SLC24A4: variants seen among roughly 807,000 people sequenced by gnomAD.
SLC24A4 encodes the protein sodium/potassium/calcium exchanger 4.
A neutral mutation model predicts 79.0 loss-of-function variants in SLC24A4; 53 were observed. The ratio of observed to expected loss-of-function variants is 0.67; its 90% CI spans 0.54 to 0.84. The LOEUF (loss-of-function observed/expected upper bound fraction) is 0.84. Ranked by LOEUF, SLC24A4 falls within the 40% of genes least tolerant of loss-of-function variation. The probability of loss-of-function intolerance (pLI) is 0.00; values close to 1 mark genes in which losing one functional copy is unlikely to be tolerated. For missense variants in SLC24A4, 731 were observed against 822.0 expected (o/e 0.89, Z 1.35); for synonymous variants, 323 against 323.8 (o/e 1.00, Z 0.03).
At chr14:92,352,301 G>A (rs1886940999) in intron 2 of SLC24A4, among the ~76,000 whole-genome samples, 2 of 152,180 alleles carry the variant, frequency 1.3e-5, no homozygotes, top group Non-Finnish European at 2.9e-5. Context: ...ACAAGTAGGA[G>A]CTACCTAAGC....
intron 6 of SLC24A4, 78 bp from the exon 7 acceptor site, chr14:92,443,322 G>T (rs367909096): frequency 4.1e-4 from 566 of 1,378,494 alleles, no homozygotes; most frequent in Non-Finnish European, 5.5e-4. Context: ...CTGCACTGCG[G>T]GGGGAGGAGG....
In SLC24A4 at chr14:92,439,371, G is replaced by A. The variant is rs765202013; in HGVS notation, c.355G>A (p.Asp119Asn). 1.2e-6 allele frequency: 2 copies of A among 1,613,100 alleles called. No homozygotes were observed. Among genetic ancestry groups the A allele is most frequent in the Non-Finnish European group, 1.7e-6 (2 of 1,179,186 alleles). Reference sequence around the variant, plus strand: ...GTTCTATGCCTTGGCCATAGTGTGCGATGACTTCTTTGTTCCGTCTCTAGA... The same window carrying A: ...GTTCTATGCCTTGGCCATAGTGTGCAATGACTTCTTTGTTCCGTCTCTAGA... ...YMFYALAIVC[D>N]DFFVPSLEKI... is the part of the protein sequence containing the mutation. The change falls in exon 4 of 17, where the codon GAT (aspartate) becomes AAT (asparagine). Residue 119 changes from aspartate (D) to asparagine (N), a missense_variant. Physicochemically the swap from Asp to Asn is conservative, Grantham distance 23. Transcript: ENST00000532405.
At chr14:92,483,571 G>T (rs373447941) in intron 13 of SLC24A4, among the ~76,000 whole-genome samples, 27 of 152,146 alleles carry the variant, frequency 1.8e-4, no homozygotes, top group Admixed American at 6.5e-5. Flanking sequence ...GAGAGGCATT[G>T]GTGTAGCTCC....
At chr14:92,358,440 G>A (rs12887287) in intron 2 of SLC24A4, among the ~76,000 whole-genome samples, 62,059 of 151,964 alleles carry the variant, frequency 0.41, 14,814 homozygotes, top group East Asian at 0.52. Context: ...TGTAGGTGCT[G>A]GGGTGCTGGC....
intron 11 of SLC24A4, among the ~76,000 whole-genome samples, chr14:92,454,297 T>C (rs111545905): frequency 6.6e-5 from 10 of 152,364 alleles, no homozygotes; most frequent in African/African-American, 2.4e-4. Context: ...CTAAGTATTT[T>C]GTCAGGCACT....
At chr14:92,446,260 C>T (rs1040156545) in intron 8 of SLC24A4, among the ~76,000 whole-genome samples, 1 of 151,976 alleles carries the variant, frequency 6.6e-6, no homozygotes, top group Admixed American at 6.6e-5. Flanking sequence ...GATTCATGTG[C>T]CTCAGCCTCC....
chr14:92,480,451 G>A (rs1372063454), intron 12 of SLC24A4, among the ~76,000 whole-genome samples: 12 of 148,566 alleles, frequency 8.1e-5, no homozygotes, highest in African/African-American at 1.5e-4. Flanking sequence ...CCGCCACCAC[G>A]CCCGGCTAAT....
intron 2 of SLC24A4, among the ~76,000 whole-genome samples, chr14:92,356,213 A>G (rs1314875159): frequency 6.6e-6 from 1 of 152,136 alleles, no homozygotes; most frequent in East Asian, 1.9e-4. Context: ...TGTTCCGTAG[A>G]TTGGGTAGAT....
chr14:92,359,911 T>TA (rs1887403382), intron 2 of SLC24A4, among the ~76,000 whole-genome samples: 1 of 152,190 alleles, frequency 6.6e-6, no homozygotes, highest in Non-Finnish European at 1.5e-5. Context: ...CACACACACT[T>TA]ACGTTTTTGT....
At chr14:92,430,447 T>C (rs1891803826) in intron 2 of SLC24A4, among the ~76,000 whole-genome samples, 1 of 152,236 alleles carries the variant, frequency 6.6e-6, no homozygotes, top group Non-Finnish European at 1.5e-5. Context: ...TGGCAGATTG[T>C]AGGGTGCTGA....
At chr14:92,361,195 G>A (rs1428576010) in intron 2 of SLC24A4, among the ~76,000 whole-genome samples, 1 of 151,638 alleles carries the variant, frequency 6.6e-6, no homozygotes, top group Non-Finnish European at 1.5e-5. Flanking sequence ...TCTCGAGGAT[G>A]TTGACCGATT....
intron 13 of SLC24A4, chr14:92,483,603 C>T (rs1195480203): frequency 3.8e-6 from 2 of 524,812 alleles, no homozygotes; most frequent in Non-Finnish European, 6.5e-6. Context: ...TATGGCCATA[C>T]AGGACAAGTC....
chr14:92,499,219 A>C lies in SLC24A4; in HGVS notation c.*5591A>C, dbSNP rs1246372227. On this transcript the variant is annotated 3_prime_UTR_variant, in exon 17 of 17. Transcript: ENST00000532405. ...ATTCAATCTCACGGTGTCAGTGTCC[A>C]GTTGTCAAAGTTATGAATCTTCCTC... 1 of 152,240 alleles carries C rather than the reference A, an allele frequency of 6.6e-6. No homozygotes were observed. The highest frequency in any genetic ancestry group is 1.5e-5 in the Non-Finnish European group (1 of 68,062). 9.4% of individuals were successfully genotyped at this position (152,240 alleles called of 1,614,324 possible). A position where few individuals can be genotyped will look rare whatever the true frequency, so the allele number is the denominator to read the frequency against.
intron 14 of SLC24A4, among the ~76,000 whole-genome samples, chr14:92,489,887 T>C (rs577428847): frequency 7.2e-5 from 11 of 152,166 alleles, no homozygotes; most frequent in Non-Finnish European, 1.2e-4. Context: ...TGCAACTAAC[T>C]GGGCCACAAC....
rs545294697 is a variant in SLC24A4 at position 92,498,968 on chromosome 14, G to A, written c.*5340G>A. ...GGGTGCCCACCTGGAATCAGGAGAAGAGGCTTTTCCCTCCTGTTCTGCAAC... is the reference window on the plus strand; with the variant it reads ...GGGTGCCCACCTGGAATCAGGAGAAAAGGCTTTTCCCTCCTGTTCTGCAAC... On this transcript the variant is annotated 3_prime_UTR_variant, in exon 17 of 17. Transcript: ENST00000532405. The A allele has an allele frequency of 8.5e-5, 13 of 152,394 alleles. No homozygotes were observed. The highest frequency in any genetic ancestry group is 3.1e-4 in the African/African-American group (13 of 41,594). The allele number at this position is 152,394 out of a possible 1,614,324, so 9.4% of individuals were successfully genotyped here. A position where few individuals can be genotyped will look rare whatever the true frequency, so the allele number is the denominator to read the frequency against.
intron 2 of SLC24A4, among the ~76,000 whole-genome samples, chr14:92,343,757 C>T (rs2141625592): frequency 6.6e-6 from 1 of 150,990 alleles, no homozygotes; most frequent in East Asian, 2.0e-4. Context: ...GACTGGAGTG[C>T]AGTGGCACGA....
At chr14:92,482,591 G>T in intron 12 of SLC24A4, 89 bp from the exon 13 acceptor site, 1 of 1,294,834 alleles carries the variant, frequency 7.7e-7, no homozygotes. Flanking sequence ...TATTTAGCTT[G>T]AAGACTAAAT....
chr14:92,396,815 G>A (rs1482230317), intron 2 of SLC24A4, among the ~76,000 whole-genome samples: 2 of 152,122 alleles, frequency 1.3e-5, no homozygotes, highest in East Asian at 1.9e-4. Context: ...GAGTGGCGAT[G>A]TCATGTTGAC....
At chr14:92,399,617 C>T (rs1277837869) in intron 2 of SLC24A4, among the ~76,000 whole-genome samples, 1 of 152,162 alleles carries the variant, frequency 6.6e-6, no homozygotes, top group East Asian at 1.9e-4. Flanking sequence ...CTTGAAGTGT[C>T]TTCTATCTGC....
Sources: gnomAD v4.1 joint callset for allele counts (sites outside exome capture counted in the v4.1 genomes callset) on GRCh38, gnomAD v4.1.1 for gene constraint, MANE v1.5 for transcripts, NCBI Gene and HGNC (gene_info 2026-07-23, HGNC 2026-07-21) for gene names.